Variants in MAGI3 observed in about 807,000 individuals in gnomAD.
MAGI3 encodes membrane associated guanylate kinase, WW and PDZ domain containing 3, also known as membrane-associated guanylate kinase, WW and PDZ domain-containing protein 3.
In MAGI3, 43 loss-of-function variants were observed where a neutral mutation model predicts 121.8. The ratio of observed to expected loss-of-function variants is 0.35; its 90% CI spans 0.28 to 0.46. MAGI3 has a LOEUF of 0.46. MAGI3 is among the 20% of genes least tolerant of loss of function. The pLI is 1.00. For missense variants in MAGI3, 1,547 were observed against 1,797.3 expected (o/e 0.86, Z 2.52); for synonymous variants, 553 against 639.3 (o/e 0.86, Z 2.04).
intron 1 of MAGI3, among the ~76,000 whole-genome samples, chr1:113,464,655 C>T (rs530781573): frequency 6.6e-5 from 10 of 152,254 alleles, no homozygotes; most frequent in Non-Finnish European, 1.2e-4. Flanking sequence ...TCCTCACCAG[C>T]ATTGTTATTG....
chr1:113,563,587 G>C (rs1343629), intron 2 of MAGI3, among the ~76,000 whole-genome samples: 80,809 of 151,926 alleles, frequency 0.53, 23,835 homozygotes, highest in East Asian at 0.74. Flanking sequence ...GCAACACCCT[G>C]ATAGGTGATT....
chr1:113,572,001 G>T (rs568093601), intron 2 of MAGI3, among the ~76,000 whole-genome samples: 2 of 152,242 alleles, frequency 1.3e-5, no homozygotes, highest in South Asian at 2.1e-4. Context: ...TCCAGCTTTT[G>T]TCCATTCAGT....
At chr1:113,639,997 C>A (rs1363775485) in intron 9 of MAGI3, among the ~76,000 whole-genome samples, 1 of 152,146 alleles carries the variant, frequency 6.6e-6, no homozygotes, top group East Asian at 1.9e-4. Flanking sequence ...CCACGCCCAG[C>A]CAGTGGCTTC....
intron 1 of MAGI3, among the ~76,000 whole-genome samples, chr1:113,469,208 CA>C (rs1488594375): frequency 6.6e-6 from 1 of 152,106 alleles, no homozygotes; most frequent in Non-Finnish European, 1.5e-5. Flanking sequence ...GAAACAGAGA[CA>C]GGGACATTAA....
At chr1:113,401,501 A>G (rs1305442668) in intron 1 of MAGI3, among the ~76,000 whole-genome samples, 4 of 152,204 alleles carry the variant, frequency 2.6e-5, no homozygotes, top group African/African-American at 9.6e-5. Context: ...TATTTTCAGC[A>G]GAATATTTTT....
At chr1:113,466,336 C>T (rs1449036700) in intron 1 of MAGI3, among the ~76,000 whole-genome samples, 4 of 151,990 alleles carry the variant, frequency 2.6e-5, no homozygotes, top group Non-Finnish European at 5.9e-5. Context: ...GGGATGAATC[C>T]CACTTAATCA....
chr1:113,652,821 G>T (rs1653248187), intron 14 of MAGI3, among the ~76,000 whole-genome samples: 1 of 152,156 alleles, frequency 6.6e-6, no homozygotes, highest in African/African-American at 2.4e-5. Context: ...AATCAGTTAG[G>T]ACTTTGTGTC....
chr1:113,677,470 A>G (rs1479353435), intron 19 of MAGI3, among the ~76,000 whole-genome samples: 1 of 152,220 alleles, frequency 6.6e-6, no homozygotes, highest in African/African-American at 2.4e-5. Flanking sequence ...GTCGTCCTCG[A>G]AGATCGGTTC....
At position 113,555,946 on chromosome 1, in the gene MAGI3, G is replaced by A. The variant is rs147160224; in HGVS notation, c.433+6315G>A. Among the ~76,000 whole-genome samples, 20 of 152,126 alleles carry A rather than the reference G, an allele frequency of 1.3e-4. No individual in the cohort carries two copies. The East Asian group carries it at 3.5e-3, about 26-fold the overall frequency. ...GATATTCAGAAATTAATAATTAATAGCACACTTCTAAATAAACTGTGAGTT... is the reference window on the plus strand; with the variant it reads ...GATATTCAGAAATTAATAATTAATAACACACTTCTAAATAAACTGTGAGTT... On this transcript the variant is annotated intron_variant, in intron 2 of 20. Transcript: ENST00000307546.
At chr1:113,682,337 TTTG>T in intron 20 of MAGI3, 1 of 1,565,804 alleles carries the variant, frequency 6.4e-7, no homozygotes, top group Non-Finnish European at 8.6e-7. Flanking sequence ...ACTTTCTTCT[TTTG>T]TTTTCTTTTA....
chr1:113,594,503 T>C lies in MAGI3; in HGVS notation c.961T>C (p.Trp321Arg). The C allele has an allele frequency of 6.2e-7, 1 of 1,613,174 alleles. No homozygotes were observed. The highest frequency in any genetic ancestry group is 8.5e-7 in the Non-Finnish European group (1 of 1,179,564). ...CAGCCACAATACCAAGACAACCACCTGGTTGGATCCTCGTCTTTGTAAGAA... is the reference window on the plus strand; with the variant it reads ...CAGCCACAATACCAAGACAACCACCCGGTTGGATCCTCGTCTTTGTAAGAA... ...FIDHNTKTTT[W>R]LDPRLCKKAK... Residue 321 changes from tryptophan to arginine, a missense_variant, in exon 6 of 21, where the codon TGG (tryptophan) becomes CGG (arginine). Coordinates refer to ENST00000307546, the MANE Select transcript of MAGI3 (RefSeq NM_001142782.2).
intron 2 of MAGI3, among the ~76,000 whole-genome samples, chr1:113,555,165 T>C (rs1484496014): frequency 6.6e-6 from 1 of 150,530 alleles, no homozygotes; most frequent in Non-Finnish European, 1.5e-5. Context: ...AAAAATATCC[T>C]TCAAAAATGA....
rs4026203 is a variant in MAGI3 at position 113,452,455 on chromosome 1, T to TACACACACACAC, written c.316+61129_316+61140dup. On this transcript the variant is annotated intron_variant, in intron 1 of 20. Transcript: ENST00000307546. Reference sequence around the variant, plus strand: ...TTGGATTAACTTATGTGCATAGACATACACACACACACACACACACACACA... The same window carrying TACACACACACAC: ...TTGGATTAACTTATGTGCATAGACATACACACACACACACACACACACACACACACACACACA... Among the ~76,000 whole-genome samples the TACACACACACAC allele has an allele frequency of 3.5e-3, 516 of 147,204 alleles. 3 individuals carry two copies. The highest frequency in any genetic ancestry group is 0.023 in the South Asian group (103 of 4,554).
rs1206408710 is a variant in MAGI3, at chr1:113,471,037, T to A, written c.317-78478T>A. On this transcript the variant is annotated intron_variant, in intron 1 of 20. Coordinates refer to ENST00000307546, the MANE Select transcript of MAGI3 (RefSeq NM_001142782.2). ...TTTTCCCTGTGTTTTCTTCTGGTAA[T>A]CTTACAGGTCTTACATTTACGTCTT... Among the ~76,000 whole-genome samples the A allele has an allele frequency of 7.2e-5, 11 of 152,346 alleles. No individual in the cohort carries two copies. The East Asian group carries it at 2.1e-3, about 29-fold the overall frequency.
At chr1:113,569,202 C>T (rs1192868467) in intron 2 of MAGI3, among the ~76,000 whole-genome samples, 2 of 152,120 alleles carry the variant, frequency 1.3e-5, no homozygotes, top group Non-Finnish European at 2.9e-5. Context: ...CTGAATATTG[C>T]AGCTGAGGAA....
chr1:113,514,031 T>C (rs1291018932), intron 1 of MAGI3, among the ~76,000 whole-genome samples: 4 of 151,640 alleles, frequency 2.6e-5, no homozygotes, highest in African/African-American at 7.3e-5. Context: ...AAAATGCTCA[T>C]CATCACTGGC....
intron 1 of MAGI3, among the ~76,000 whole-genome samples, chr1:113,420,264 A>T (rs751816515): frequency 7.9e-5 from 12 of 152,206 alleles, no homozygotes; most frequent in Admixed American, 2.0e-4. Context: ...CCCTGAGATC[A>T]AATGATTCTC....
intron 2 of MAGI3, among the ~76,000 whole-genome samples, chr1:113,578,769 A>C (rs1449055336): frequency 1.3e-5 from 2 of 152,200 alleles, no homozygotes; most frequent in East Asian, 3.8e-4. Flanking sequence ...ATTAAAAATT[A>C]AAGGAAAAAA....
chr1:113,655,437 T>C (rs1488803566), intron 15 of MAGI3, among the ~76,000 whole-genome samples: 2 of 151,990 alleles, frequency 1.3e-5, no homozygotes, highest in African/African-American at 4.8e-5. Flanking sequence ...ATAAGTTTCA[T>C]TGCTTAAATA....
Sources: gnomAD v4.1 joint callset for allele counts (sites outside exome capture counted in the v4.1 genomes callset) on GRCh38, gnomAD v4.1.1 for gene constraint, MANE v1.5 for transcripts, NCBI Gene and HGNC (gene_info 2026-07-23, HGNC 2026-07-21) for gene names.